FRAS1: variants seen among roughly 807,000 people sequenced by gnomAD.
FRAS1 encodes the protein extracellular matrix organizing protein FRAS1.
In FRAS1, 290 loss-of-function variants were observed where a neutral mutation model predicts 435.2. The observed-to-expected ratio is 0.67, with a 90% CI of 0.61 to 0.73. The LOEUF (loss-of-function observed/expected upper bound fraction) is 0.73, where lower values mean the gene tolerates loss of function less well. FRAS1 is among the 30% of genes least tolerant of loss of function. The pLI, the probability that FRAS1 is intolerant of heterozygous loss-of-function variation, is 0.00. For missense variants in FRAS1, 4,860 were observed against 5,001.5 expected (o/e 0.97, Z 0.85); for synonymous variants, 1,800 against 1,851.0 (o/e 0.97, Z 0.71).
intron 4 of FRAS1, among the ~76,000 whole-genome samples, chr4:78,248,464 AG>A (rs1457543648): frequency 6.6e-6 from 1 of 152,140 alleles, no homozygotes; most frequent in Admixed American, 6.6e-5. Context: ...TGGGGCTTGA[AG>A]GTTTACTGAA....
Position 78,372,803 on chromosome 4 carries a change from G to C in FRAS1, c.2955G>C (p.Gly985=), listed in dbSNP as rs751520627. 1 of 1,613,062 alleles carries C rather than the reference G, an allele frequency of 6.2e-7. No homozygotes were observed. Among genetic ancestry groups the C allele is most frequent in the South Asian group, 1.1e-5 (1 of 91,038 alleles). Residue 985 remains glycine, a synonymous_variant, in exon 24 of 74, where the codon GGG becomes GGC. Coordinates refer to ENST00000512123, the MANE Select transcript of FRAS1 (RefSeq NM_025074.7). ...TGGATGGCTATGTTCTCCAGGATGG[G>C]GCCTGCGTGGAGCAGTGCTTGTCAT... ...QCMDGYVLQD[G]ACVEQCLSSF...
chr4:78,260,296 T>C (rs956398781), intron 6 of FRAS1, among the ~76,000 whole-genome samples: 2 of 151,952 alleles, frequency 1.3e-5, no homozygotes, highest in African/African-American at 4.8e-5. Flanking sequence ...CCTTGGGCAG[T>C]ATGGCCATTT....
chr4:78,343,640 A>C (rs1235977169), intron 20 of FRAS1, among the ~76,000 whole-genome samples: 1 of 152,230 alleles, frequency 6.6e-6, no homozygotes, highest in Non-Finnish European at 1.5e-5. Context: ...AAAGAAGGGC[A>C]CTAAAAATGT....
intron 47 of FRAS1, among the ~76,000 whole-genome samples, chr4:78,455,585 A>T (rs1392763248): frequency 6.6e-6 from 1 of 152,098 alleles, no homozygotes; most frequent in Non-Finnish European, 1.5e-5. Context: ...AAATAGACTT[A>T]TTTTCATGCT....
rs543714663 is a variant in FRAS1 at position 78,420,011 on chromosome 4, GGATTACAATTGAACATGA to G, written c.4540+953_4540+970del. 5.4e-3 allele frequency among the ~76,000 whole-genome samples: 822 copies of G among 152,168 alleles called. 7 individuals carry two copies. Among genetic ancestry groups the G allele is most frequent in the Non-Finnish European group, 8.1e-3 (551 of 68,006 alleles). ...CACCAGACCCTGCCTCCAACATTGA[GGATTACAATTGAACATGA>G]GATTTGGGTGGGGACACAGATCCAA... On this transcript the variant is annotated intron_variant, in intron 33 of 73. Coordinates refer to ENST00000512123, the MANE Select transcript of FRAS1 (RefSeq NM_025074.7).
At chr4:78,530,050 G>A (rs139716967) in intron 70 of FRAS1, among the ~76,000 whole-genome samples, 1 of 152,040 alleles carries the variant, frequency 6.6e-6, no homozygotes, top group East Asian at 1.9e-4. Flanking sequence ...GATTCATGTA[G>A]CTGTAGTTTG....
At chr4:78,317,224 A>G in intron 16 of FRAS1, 144 bp from the exon 17 acceptor site, 2 of 886,270 alleles carry the variant, frequency 2.3e-6, no homozygotes, top group Non-Finnish European at 3.6e-6. Flanking sequence ...CTGGCAGTGT[A>G]ACCACCTCCT....
intron 2 of FRAS1, among the ~76,000 whole-genome samples, chr4:78,135,388 T>C (rs1236416985): frequency 6.6e-6 from 1 of 152,240 alleles, no homozygotes; most frequent in Non-Finnish European, 1.5e-5. Flanking sequence ...CCTGTGTTTC[T>C]GCAGTGGATT....
At chr4:78,243,261 G>A (rs1302773859) in intron 3 of FRAS1, among the ~76,000 whole-genome samples, 4 of 152,188 alleles carry the variant, frequency 2.6e-5, no homozygotes, top group Admixed American at 2.6e-4. Flanking sequence ...GCATATAAAT[G>A]TGTGGAGGAG....
chr4:78,218,098 T>TCTCTCACA (rs368430185), intron 2 of FRAS1, among the ~76,000 whole-genome samples: 4 of 39,728 alleles, frequency 1.0e-4, no homozygotes, highest in African/African-American at 3.9e-4. Flanking sequence ...TCACTCTCTC[T>TCTCTCACA]CACACACACA....
intron 53 of FRAS1, among the ~76,000 whole-genome samples, chr4:78,475,047 T>G (rs1465709279): frequency 6.6e-6 from 1 of 152,228 alleles, no homozygotes; most frequent in East Asian, 1.9e-4. Context: ...AGTCATTGAT[T>G]GCCTTCAGAG....
intron 2 of FRAS1, among the ~76,000 whole-genome samples, chr4:78,184,726 G>A (rs1161660932): frequency 6.6e-6 from 1 of 152,132 alleles, no homozygotes; most frequent in African/African-American, 2.4e-5. Context: ...GCTGTTTGGA[G>A]CCTCATTGAC....
At chr4:78,180,573 A>C (rs59777008) in intron 2 of FRAS1, among the ~76,000 whole-genome samples, 3 of 152,106 alleles carry the variant, frequency 2.0e-5, no homozygotes, top group African/African-American at 7.2e-5. Flanking sequence ...TTGGAAATGC[A>C]TATTTGCAAG....
intron 69 of FRAS1, 42 bp from the exon 70 acceptor site, chr4:78,526,499 C>A: frequency 7.5e-7 from 1 of 1,325,476 alleles, no homozygotes; most frequent in Admixed American, 2.0e-5. Flanking sequence ...AGCAACCTAT[C>A]AGTTGTTCCC....
chr4:78,309,689 C>T (rs1289262006), intron 15 of FRAS1, among the ~76,000 whole-genome samples: 1 of 151,960 alleles, frequency 6.6e-6, no homozygotes, highest in Non-Finnish European at 1.5e-5. Context: ...TTTCATTATC[C>T]TTTCCCCCTT....
At chr4:78,290,031 G>C (rs73827938) in intron 14 of FRAS1, among the ~76,000 whole-genome samples, 1 of 152,110 alleles carries the variant, frequency 6.6e-6, no homozygotes, top group Non-Finnish European at 1.5e-5. Context: ...TTGCCCCTCT[G>C]TTCAATCAGC....
At chr4:78,307,630 T>A (rs1328767829) in intron 14 of FRAS1, among the ~76,000 whole-genome samples, 1 of 152,232 alleles carries the variant, frequency 6.6e-6, no homozygotes, top group East Asian at 1.9e-4. Context: ...AGGTGCCGTC[T>A]GTCACCCCTG....
chr4:78,429,044 C>CTGTGTGTG, intron 35 of FRAS1, 51 bp from the exon 36 acceptor site: 1 of 1,386,120 alleles, frequency 7.2e-7, no homozygotes, highest in Admixed American at 2.4e-5. Context: ...GTGTGCGTGT[C>CTGTGTGTG]TCTGTGTGTG....
intron 2 of FRAS1, among the ~76,000 whole-genome samples, chr4:78,175,345 T>C (rs1721722474): frequency 6.6e-6 from 1 of 152,100 alleles, no homozygotes; most frequent in African/African-American, 2.4e-5. Context: ...CTCCCAGGAG[T>C]TTCTCTGGGT....
Sources: gnomAD v4.1 joint callset for allele counts (sites outside exome capture counted in the v4.1 genomes callset) on GRCh38, gnomAD v4.1.1 for gene constraint, MANE v1.5 for transcripts, NCBI Gene and HGNC (gene_info 2026-07-23, HGNC 2026-07-21) for gene names.